Variants in MYO15A observed in about 807,000 individuals in gnomAD.
MYO15A encodes the protein unconventional myosin-XV.
A neutral mutation model predicts 394.6 loss-of-function variants in MYO15A; 308 were observed. That is an observed-to-expected ratio of 0.78 (90% CI 0.71 to 0.86). MYO15A has a LOEUF of 0.86. MYO15A is among the 40% of genes least tolerant of loss of function. MYO15A has a pLI of 0.00. For missense variants in MYO15A, 4,606 were observed against 4,799.1 expected, an observed-to-expected ratio of 0.96 and a Z score of 1.19; for synonymous variants, 1,957 against 2,003.8, an observed-to-expected ratio of 0.98 and a Z score of 0.62.
chr17:18,153,699 A>G lies in MYO15A; in HGVS notation c.7967-76A>G. The stretch of plus-strand genomic sequence containing the variant: ...GGGGACAACAGCGAAACTCCGTCTC[A>G]AAAATATATATATATATTAATTAAA... On this transcript the variant is annotated intron_variant, in intron 42 of 65. Coordinates refer to ENST00000647165, the MANE Select transcript of MYO15A (RefSeq NM_016239.4). The surrounding 1 kb of genome is among the most constrained non-coding windows in gnomAD (Gnocchi z 4.1). 8 of 1,303,900 alleles carry G rather than the reference A, an allele frequency of 6.1e-6. No individual in the cohort carries two copies. Among genetic ancestry groups the G allele is most frequent in the Non-Finnish European group, 7.9e-6 (8 of 1,012,048 alleles). 80.8% of individuals were successfully genotyped at this position (1,303,900 alleles called of 1,614,324 possible). A position where few individuals can be genotyped will look rare whatever the true frequency, so the allele number is the denominator to read the frequency against.
At chr17:18,178,335 A>G (rs1054161226) in intron 65 of MYO15A, 2 of 299,202 alleles carry the variant, frequency 6.7e-6, no homozygotes, top group African/African-American at 4.4e-5. Context: ...GCGCCATTGC[A>G]CTCCAGCCTG....
At position 18,138,109 on chromosome 17, in the gene MYO15A, C is replaced by T; in HGVS notation, c.4876-6C>T. 1 of 1,609,934 alleles carries T rather than the reference C, an allele frequency of 6.2e-7. No individual in the cohort carries two copies. Among genetic ancestry groups the T allele is most frequent in the South Asian group, 1.1e-5 (1 of 91,088 alleles). ...AGGTTGAGCTCCTGCTGCCCACTGC[C>T]TGCAGGAGGAGTACATCCGTGAGCA... On this transcript the variant is annotated splice_region_variant and splice_polypyrimidine_tract_variant and intron_variant, in intron 16 of 65. Coordinates refer to ENST00000647165, the MANE Select transcript of MYO15A (RefSeq NM_016239.4).
intron 17 of MYO15A, 113 bp downstream of exon 17, chr17:18,138,359 G>T (rs759534545): frequency 4.3e-6 from 6 of 1,388,848 alleles, no homozygotes; most frequent in Non-Finnish European, 5.9e-6. Context: ...TCAGGCAGTG[G>T]GGGGTTGGGA....
In MYO15A at chr17:18,156,227, C is replaced by T; in HGVS notation, c.8492C>T (p.Ser2831Phe). 1 of 1,614,156 alleles carries T rather than the reference C, an allele frequency of 6.2e-7. No individual in the cohort carries two copies. Among genetic ancestry groups the T allele is most frequent in the Non-Finnish European group, 8.5e-7 (1 of 1,180,014 alleles). ...FADILFVTMP[S>F]QNMLEFNLAS... ...GATATCCTGTTTGTGACCATGCCCT[C>T]CCAGAACATGCTGGAGTTCAACCTG... The change falls in exon 48 of 66, where the codon TCC becomes TTC. Residue 2831 changes from serine to phenylalanine, a missense_variant. Ser to Phe is a radical substitution (Grantham distance 155). Around this residue, in one of 2 missense-constraint regions of MYO15A, gnomAD observed 2,776 missense variants for 3,109.3 expected, o/e 0.89. Transcript: ENST00000647165.
rs1042080108 is a variant in MYO15A at position 18,132,352 on chromosome 17, G to A, written c.4207-101G>A. 29 of 896,940 alleles carry A rather than the reference G, an allele frequency of 3.2e-5. No individual in the cohort carries two copies. The African/African-American group carries it at 4.4e-4, about 14-fold the overall frequency. 55.6% of individuals were successfully genotyped at this position (896,940 alleles called of 1,614,324 possible). On this transcript the variant is annotated intron_variant, in intron 10 of 65. Transcript: ENST00000647165. This position sits in a 1 kb window ranked among gnomAD's most constrained non-coding sequence, Gnocchi z 4.6. ...CGCGTGTTCTCATCTGCAGCCCACT[G>A]TGTGCATGTGCACTTGTGGGCAGGC... is the stretch of plus-strand genomic sequence containing the variant.
Position 18,149,328 on chromosome 17 carries a change from G to A in MYO15A, c.7069G>A (p.Gly2357Ser), listed in dbSNP as rs201540919. The A allele has an allele frequency of 1.1e-4, 178 of 1,611,674 alleles. 1 individual carries two copies. In the Middle Eastern group the frequency reaches 2.5e-3, roughly 22 times the overall value. Residue 2357 changes from glycine (G) to serine (S), a missense_variant, in exon 34 of 66, where the codon GGT becomes AGT. Gly to Ser is a moderately conservative substitution (Grantham distance 56). Coordinates refer to ENST00000647165, the MANE Select transcript of MYO15A (RefSeq NM_016239.4). ...SDGYSSHNQD[G>S]TNGETEAQRG... The stretch of plus-strand genomic sequence containing the variant: ...TGGGTACAGCAGCCACAATCAGGAC[G>A]GTACAAATGGGGAGACTGAGGCCCA...
chr17:18,171,573 C>T, intron 62 of MYO15A, 65 bp from the exon 63 acceptor site: 1 of 1,610,174 alleles, frequency 6.2e-7, no homozygotes, highest in Non-Finnish European at 8.5e-7. Context: ...ATGCCTGCTG[C>T]ACAGTGAGGA....
chr17:18,150,229 T>C lies in MYO15A; in HGVS notation c.7213-200T>C, dbSNP rs776672904. Reference sequence around the variant, plus strand: ...ACTCCTCTGGGGAAGAGGGGATGGGTTGGGAGCTCATATGGTTATGGATAC... The same window carrying C: ...ACTCCTCTGGGGAAGAGGGGATGGGCTGGGAGCTCATATGGTTATGGATAC... On this transcript the variant is annotated intron_variant, in intron 35 of 65. Coordinates refer to ENST00000647165, the MANE Select transcript of MYO15A (RefSeq NM_016239.4). The surrounding 1 kb of genome is among the most constrained non-coding windows in gnomAD (Gnocchi z 4.4). Among the ~76,000 whole-genome samples, 1 of 151,700 alleles carries C rather than the reference T, an allele frequency of 6.6e-6. No homozygotes were observed. The highest frequency in any genetic ancestry group is 1.5e-5 in the Non-Finnish European group (1 of 67,922).
chr17:18,140,972 A>G lies in MYO15A; in HGVS notation c.5407-47A>G, dbSNP rs770802727. 1.5e-5 allele frequency: 24 copies of G among 1,613,086 alleles called. No homozygotes were observed. In the Middle Eastern group the frequency reaches 1.2e-3, roughly 83 times the overall value. ...TATTCACCATGATAATGCCTTTTGC[A>G]CATGGCTGAGCCAATGTGCAGACTC... On this transcript the variant is annotated intron_variant, in intron 21 of 65. Coordinates refer to ENST00000647165, the MANE Select transcript of MYO15A (RefSeq NM_016239.4).
rs769877350 is a variant in MYO15A at position 18,126,871 on chromosome 17, T to C, written c.3941+6T>C. ...AACCAGTGCATAATCATTAGGTGAGTGGGCTGCCTTTATGTGGGGGATAAA... is the reference window on the plus strand; with the variant it reads ...AACCAGTGCATAATCATTAGGTGAGCGGGCTGCCTTTATGTGGGGGATAAA... On this transcript the variant is annotated splice_donor_region_variant and intron_variant, in intron 6 of 65. Transcript: ENST00000647165. 3.1e-6 allele frequency: 5 copies of C among 1,613,750 alleles called. No individual in the cohort carries two copies. In the East Asian group the frequency reaches 1.1e-4, roughly 36 times the overall value.
chr17:18,146,077 CT>C lies in MYO15A; in HGVS notation c.6481del (p.Ser2161ProfsTer92). 2.5e-6 allele frequency: 4 copies of C among 1,613,922 alleles called. No individual in the cohort carries two copies. The highest frequency in any genetic ancestry group is 3.4e-6 in the Non-Finnish European group (4 of 1,180,018). On this transcript the variant is annotated frameshift_variant, in exon 30 of 66. Transcript: ENST00000647165. LOFTEE classifies it high-confidence loss of function. ...GCCGCCTGCCTCAGTGGCTTTGCACCTTCCCCGTGCTTCAACAAGTACCTTC... is the reference window on the plus strand; with the variant it reads ...GCCGCCTGCCTCAGTGGCTTTGCACCTCCCCGTGCTTCAACAAGTACCTTC... ...LLAACLSGFA[P>X]SPCFNKYLLK... is the part of the protein sequence containing the mutation.
chr17:18,152,232 G>T, intron 42 of MYO15A, 48 bp downstream of exon 42: 1 of 1,524,842 alleles, frequency 6.6e-7, no homozygotes, highest in Non-Finnish European at 8.8e-7. Flanking sequence ...AGTATATGAG[G>T]AAGTCTGTGG....
At chr17:18,130,642 C>T (rs187796690) in intron 7 of MYO15A, among the ~76,000 whole-genome samples, 163 bp from the exon 8 acceptor site, 442 of 152,116 alleles carry the variant, frequency 2.9e-3, no homozygotes, top group Non-Finnish European at 4.1e-3. Context: ...CCATGGCAGT[C>T]CCCAAGCCTG....
intron 7 of MYO15A, among the ~76,000 whole-genome samples, chr17:18,128,386 G>C (rs566343430): frequency 6.6e-6 from 1 of 152,220 alleles, no homozygotes; most frequent in South Asian, 2.1e-4. Context: ...GGCCCACAAA[G>C]GTTTGCACAT....
intron 65 of MYO15A, chr17:18,178,208 A>G (rs1169226774): frequency 1.1e-5 from 2 of 189,748 alleles, no homozygotes; most frequent in East Asian, 1.3e-4. Flanking sequence ...CGTCTCTACT[A>G]AAAATACAAA....
rs1171337671 is a variant in MYO15A, at chr17:18,125,217, C to T, written c.3742C>T (p.Arg1248Trp). The T allele has an allele frequency of 5.6e-6, 9 of 1,613,976 alleles. No homozygotes were observed. Among genetic ancestry groups the T allele is most frequent in the African/African-American group, 1.3e-5 (1 of 74,908 alleles). Reference sequence around the variant, plus strand: ...GTCCAACCTCAAGATTAGATTTGAACGGAACCTCATCTACGTAAGGCCTGG... The same window carrying T: ...GTCCAACCTCAAGATTAGATTTGAATGGAACCTCATCTACGTAAGGCCTGG... The part of the protein sequence containing the change: ...VLSNLKIRFE[R>W]NLIYTYIGSI... The change falls in exon 4 of 66, where the codon CGG becomes TGG. Residue 1248 changes from arginine to tryptophan, a missense_variant. By Grantham distance (101) the Arg-to-Trp change is moderately radical. This residue lies in a region of MYO15A where 2,776 missense variants were observed against 3,109.3 expected (regional missense o/e 0.89). Transcript: ENST00000647165.
At position 18,120,783 on chromosome 17, in the gene MYO15A, G is replaced by C. The variant is rs1197654301; in HGVS notation, c.1983G>C (p.Leu661=). Residue 661 remains leucine, a synonymous_variant, in exon 2 of 66, where the codon CTG becomes CTC. Transcript: ENST00000647165. ...CCCTCTCCCACTGGAGCGCGCTCCT[G>C]TCTCCGCCCGTGCCCCCGCGGCCCC... ...PRTLSHWSAL[L]SPPVPPRPPS... 5.1e-6 allele frequency: 7 copies of C among 1,378,450 alleles called. No individual in the cohort carries two copies. In the Admixed American group the frequency reaches 2.4e-4, roughly 47 times the overall value. 85.4% of individuals were successfully genotyped at this position (1,378,450 alleles called of 1,614,324 possible). A position where few individuals can be genotyped will look rare whatever the true frequency, so the allele number is the denominator to read the frequency against.
chr17:18,141,055 C>T lies in MYO15A; in HGVS notation c.5443C>T (p.Gln1815Ter). 1 of 1,614,074 alleles carries T rather than the reference C, an allele frequency of 6.2e-7. No individual in the cohort carries two copies. Among genetic ancestry groups the T allele is most frequent in the Non-Finnish European group, 8.5e-7 (1 of 1,180,046 alleles). ...CTTTGAGCCAGATGTGGTAATGGCACAATTACGCTATTCAGGGGTGCTGGA... is the reference window on the plus strand; with the variant it reads ...CTTTGAGCCAGATGTGGTAATGGCATAATTACGCTATTCAGGGGTGCTGGA... The part of the protein sequence containing the change: ...GLFEPDVVMA[Q>*]LRYSGVLETV... Residue 1815 changes from glutamine to a stop codon, truncating the protein, a stop_gained, in exon 22 of 66, where the codon CAA (glutamine) becomes TAA (stop). Coordinates refer to ENST00000647165, the MANE Select transcript of MYO15A (RefSeq NM_016239.4). LOFTEE classifies it high-confidence loss of function.
At chr17:18,167,845 G>GGA in intron 62 of MYO15A, 122 bp downstream of exon 62, 4 of 1,457,288 alleles carry the variant, frequency 2.7e-6, no homozygotes, top group Non-Finnish European at 3.7e-6. Flanking sequence ...ATACCAGTGG[G>GGA]GCTATCTGGG....
Sources: allele counts gnomAD v4.1 joint callset (sites outside exome capture counted in the v4.1 genomes callset), GRCh38; gene constraint gnomAD v4.1.1; regional missense constraint gnomAD v4.1.1; non-coding constraint Gnocchi (gnomAD v3.1); transcripts MANE v1.5; gene names NCBI Gene and HGNC (gene_info 2026-07-23, HGNC 2026-07-21).